ZKSCAN2: variants seen among roughly 807,000 people sequenced by gnomAD.
ZKSCAN2 encodes the protein zinc finger protein with KRAB and SCAN domains 2.
A neutral mutation model predicts 90.5 loss-of-function variants in ZKSCAN2; 38 were observed. That is an observed-to-expected ratio of 0.42 (90% CI 0.32 to 0.55). The LOEUF is 0.55. Ranked by LOEUF, ZKSCAN2 falls within the 20% of genes least tolerant of loss-of-function variation. ZKSCAN2 has a pLI of 0.11. For missense variants in ZKSCAN2, 1,167 were observed against 1,202.6 expected (o/e 0.97, Z 0.44); for synonymous variants, 429 against 421.6 (o/e 1.02, Z -0.22).
intron 4 of ZKSCAN2, among the ~76,000 whole-genome samples, chr16:25,251,051 T>C (rs570614192): frequency 7.9e-5 from 12 of 152,220 alleles, no homozygotes; most frequent in Admixed American, 5.9e-4. Flanking sequence ...CCACTGTGCC[T>C]GGCCTTATTT....
chr16:25,253,436 C>T (rs1488013042), intron 2 of ZKSCAN2, among the ~76,000 whole-genome samples: 1 of 149,634 alleles, frequency 6.7e-6, no homozygotes, highest in Non-Finnish European at 1.5e-5. Context: ...CCTTTTCTCC[C>T]TTCCTCTCTC....
chr16:25,246,391 A>G (rs932802193), intron 5 of ZKSCAN2: 5 of 351,172 alleles, frequency 1.4e-5, no homozygotes, highest in Non-Finnish European at 2.6e-5. Flanking sequence ...GCTTTATGCC[A>G]ATTATCAGAT....
chr16:25,252,089 G>T, intron 3 of ZKSCAN2, 54 bp from the exon 4 acceptor site: 3 of 1,595,972 alleles, frequency 1.9e-6, no homozygotes, highest in Non-Finnish European at 2.6e-6. Flanking sequence ...GGTCTTCAAA[G>T]GATGAGCAAT....
chr16:25,243,124 T>C (rs550429885), intron 6 of ZKSCAN2, among the ~76,000 whole-genome samples: 2 of 152,242 alleles, frequency 1.3e-5, no homozygotes, highest in African/African-American at 2.4e-5. Flanking sequence ...CATATAACCA[T>C]AAGATATTCT....
chr16:25,256,587 T>C (rs957072872), intron 1 of ZKSCAN2, 142 bp downstream of exon 1: 1 of 812,964 alleles, frequency 1.2e-6, no homozygotes, highest in Non-Finnish European at 1.9e-6. Flanking sequence ...TCACTTAAAG[T>C]GAAAAGACCC....
In ZKSCAN2 at chr16:25,257,048, G is replaced by C; in HGVS notation, c.80C>G (p.Pro27Arg). The C allele has an allele frequency of 6.2e-7, 1 of 1,614,078 alleles. No individual in the cohort carries two copies. The highest frequency in any genetic ancestry group is 8.5e-7 in the Non-Finnish European group (1 of 1,179,994). The change falls in exon 1 of 7, where the codon CCT becomes CGT. Residue 27 changes from proline to arginine, a missense_variant. Coordinates refer to ENST00000328086, the MANE Select transcript of ZKSCAN2 (RefSeq NM_001012981.5). ...CAGAATGGGCTCTGATGCCCACTCAGGGTCCTTTTCCACCTTCATTATTAG... is the reference window on the plus strand; with the variant it reads ...CAGAATGGGCTCTGATGCCCACTCACGGTCCTTTTCCACCTTCATTATTAG... Reference protein sequence around the residue: ...GCLIMKVEKDPEWASEPILEG... With the variant: ...GCLIMKVEKDREWASEPILEG...
At chr16:25,247,429 G>A (rs1270594434) in intron 4 of ZKSCAN2, 39 bp from the exon 5 acceptor site, 3 of 1,536,322 alleles carry the variant, frequency 2.0e-6, no homozygotes, top group South Asian at 1.2e-5. Context: ...AGACATAGAA[G>A]TCATTACTGC....
chr16:25,244,570 C>T (rs7206019), intron 5 of ZKSCAN2, among the ~76,000 whole-genome samples: 66,320 of 152,068 alleles, frequency 0.44, 15,622 homozygotes, highest in African/African-American at 0.61. Flanking sequence ...ATTTTTAAAA[C>T]TGAAATCGGT....
rs982966510 is a variant in ZKSCAN2, at chr16:25,239,866, G to A, written c.2854C>T (p.Pro952Ser). 1 of 1,612,254 alleles carries A rather than the reference G, an allele frequency of 6.2e-7. No individual in the cohort carries two copies. Among genetic ancestry groups the A allele is most frequent in the Non-Finnish European group, 8.5e-7 (1 of 1,179,452 alleles). The change falls in exon 7 of 7, where the codon CCT becomes TCT. Residue 952 changes from proline to serine, a missense_variant. By Grantham distance (74) the Pro-to-Ser change is moderately conservative. Coordinates refer to ENST00000328086, the MANE Select transcript of ZKSCAN2 (RefSeq NM_001012981.5). ...PLPHPPSLYCPENPHKGKTDE... is the reference protein window; with the variant it reads ...PLPHPPSLYCSENPHKGKTDE... ...GTCTTTCCCTTATGTGGGTTCTCAG[G>A]GCAATACAGAGATGGAGGGTGTGGC... is the stretch of plus-strand genomic sequence containing the variant.
In ZKSCAN2 at chr16:25,255,193, T is replaced by G; in HGVS notation, c.586+13A>C. ...GCCTCTGCACTAGGCGTGCTCCGAGTCTTCCCTCTTACCATTCTTGGGTAA... is the reference window on the plus strand; with the variant it reads ...GCCTCTGCACTAGGCGTGCTCCGAGGCTTCCCTCTTACCATTCTTGGGTAA... On this transcript the variant is annotated intron_variant, in intron 2 of 6. Transcript: ENST00000328086. 6.3e-7 allele frequency: 1 copy of G among 1,593,348 alleles called. No homozygotes were observed. Among genetic ancestry groups the G allele is most frequent in the Non-Finnish European group, 8.5e-7 (1 of 1,172,398 alleles).
chr16:25,252,074 G>A, intron 3 of ZKSCAN2, 39 bp from the exon 4 acceptor site: 3 of 1,608,094 alleles, frequency 1.9e-6, no homozygotes, highest in Non-Finnish European at 2.5e-6. Context: ...CAAGATAACT[G>A]CACAGGTCTT....
At position 25,257,394 on chromosome 16, in the gene ZKSCAN2, C is replaced by T; in HGVS notation, c.-267G>A. On this transcript the variant is annotated 5_prime_UTR_variant, in exon 1 of 7. Coordinates refer to ENST00000328086, the MANE Select transcript of ZKSCAN2 (RefSeq NM_001012981.5). ...ATGTGGTTTTCCAGAGTGCATCCCTCTTAGTGCAAAGTCGGAAACCGGGAG... is the reference window on the plus strand; with the variant it reads ...ATGTGGTTTTCCAGAGTGCATCCCTTTTAGTGCAAAGTCGGAAACCGGGAG... 8.5e-7 allele frequency: 1 copy of T among 1,182,182 alleles called. No homozygotes were observed. The highest frequency in any genetic ancestry group is 1.0e-6 in the Non-Finnish European group (1 of 956,942). The allele number at this position is 1,182,182 out of a possible 1,614,324, so 73.2% of individuals were successfully genotyped here.
intron 3 of ZKSCAN2, among the ~76,000 whole-genome samples, chr16:25,252,686 G>A (rs1312641052): frequency 2.6e-5 from 4 of 152,134 alleles, no homozygotes; most frequent in African/African-American, 9.7e-5. Context: ...GGCCGGGTCG[G>A]GCGGGTCACT....
chr16:25,249,763 T>C lies in ZKSCAN2; in HGVS notation c.805+2146A>G, dbSNP rs1962991056. On this transcript the variant is annotated intron_variant, in intron 4 of 6. Transcript: ENST00000328086. ...CACTATTGGTGGGAATGTAAACAGG[T>C]ACAGCCATTATGGAAAACATTAGGG... Among the ~76,000 whole-genome samples, 3 of 152,120 alleles carry C rather than the reference T, an allele frequency of 2.0e-5. No individual in the cohort carries two copies. In the South Asian group the frequency reaches 6.2e-4, roughly 32 times the overall value.
At chr16:25,248,991 C>T (rs781396542) in intron 4 of ZKSCAN2, among the ~76,000 whole-genome samples, 3 of 152,106 alleles carry the variant, frequency 2.0e-5, no homozygotes, top group Non-Finnish European at 2.9e-5. Flanking sequence ...ACAACATGGA[C>T]GAACATGGAG....
At chr16:25,256,405 C>G (rs754710247) in intron 1 of ZKSCAN2, among the ~76,000 whole-genome samples, 14 of 151,052 alleles carry the variant, frequency 9.3e-5, no homozygotes, top group Non-Finnish European at 1.3e-4. Flanking sequence ...AAGTGAACCT[C>G]TGTGACGCAA....
chr16:25,255,463 A>G, intron 1 of ZKSCAN2, 71 bp from the exon 2 acceptor site: 1 of 1,476,728 alleles, frequency 6.8e-7, no homozygotes, highest in African/African-American at 1.4e-5. Flanking sequence ...CTCCCAGGAA[A>G]GACATCAAAG....
In ZKSCAN2 at chr16:25,248,102, A is replaced by T. The variant is rs187777464; in HGVS notation, c.806-712T>A. On this transcript the variant is annotated intron_variant, in intron 4 of 6. Coordinates refer to ENST00000328086, the MANE Select transcript of ZKSCAN2 (RefSeq NM_001012981.5). ...ACACGACTCACAAAAATGAACTCAAAATGGATTAAGCCTTAAATATAAGAC... is the reference window on the plus strand; with the variant it reads ...ACACGACTCACAAAAATGAACTCAATATGGATTAAGCCTTAAATATAAGAC... Among the ~76,000 whole-genome samples, 30 of 152,262 alleles carry T rather than the reference A, an allele frequency of 2.0e-4. No homozygotes were observed. In the Middle Eastern group the frequency reaches 0.014, roughly 69 times the overall value.
chr16:25,243,205 C>T (rs1349984510), intron 6 of ZKSCAN2, among the ~76,000 whole-genome samples: 3 of 152,146 alleles, frequency 2.0e-5, no homozygotes, highest in African/African-American at 7.2e-5. Flanking sequence ...TTTTTCTTCC[C>T]CACGGTACTT....
Sources: allele counts gnomAD v4.1 joint callset (sites outside exome capture counted in the v4.1 genomes callset), GRCh38; gene constraint gnomAD v4.1.1; transcripts MANE v1.5; gene names NCBI Gene and HGNC (gene_info 2026-07-23, HGNC 2026-07-21).